The following PRC1 variants were observed in gnomAD, a reference collection of about 807,000 sequenced individuals.
PRC1 encodes protein regulator of cytokinesis 1.
PRC1 carries 54 observed loss-of-function variants against 91.2 expected under a neutral mutation model. That is an observed-to-expected ratio of 0.59 (90% CI 0.48 to 0.74). The LOEUF is 0.74. Among genes scored for constraint, PRC1 ranks in the 30% least tolerant of loss-of-function variants. The pLI is 0.00. For missense variants in PRC1, 727 were observed against 746.2 expected (o/e 0.97, Z 0.30); for synonymous variants, 275 against 263.6 (o/e 1.04, Z -0.42).
rs978688590 is a variant in PRC1, at chr15:90,981,922, C to T, written c.327G>A (p.Leu109=). The T allele has an allele frequency of 6.2e-7, 1 of 1,614,206 alleles. No homozygotes were observed. The highest frequency in any genetic ancestry group is 1.3e-5 in the African/African-American group (1 of 75,050). The change falls in exon 4 of 15, where the codon TTG becomes TTA. Residue 109 remains leucine, a synonymous_variant. Transcript: ENST00000394249. The stretch of plus-strand genomic sequence containing the variant: ...TTCTCTCCTTTTTCTGTTTTCGCAT[C>T]AATTCCACTTGGGTGCGCAAATCTT... ...LEKDLRTQVE[L]MRKQKKERKQ...
chr15:90,980,373 T>G lies in PRC1; in HGVS notation c.839A>C (p.Asp280Ala). ...TTGCATTTTCAGTTCTTCCAACCGA[T>G]CCACTTCTAATTGCAGCTGAAAGAA... ...KVRKALQLEVDRLEELKMQNM... is the reference protein window; with the variant it reads ...KVRKALQLEVARLEELKMQNM... Residue 280 changes from aspartate (D) to alanine (A), a missense_variant, in exon 7 of 15, where the codon GAT (aspartate) becomes GCT (alanine). Physicochemically the swap from Asp to Ala is moderately radical, Grantham distance 126. Transcript: ENST00000394249. 1 of 1,613,764 alleles carries G rather than the reference T, an allele frequency of 6.2e-7. No homozygotes were observed. The highest frequency in any genetic ancestry group is 8.5e-7 in the Non-Finnish European group (1 of 1,179,952).
At chr15:90,994,291 T>A (rs1239963987) in intron 1 of PRC1, 116 bp downstream of exon 1, 3 of 1,503,252 alleles carry the variant, frequency 2.0e-6, no homozygotes, top group Non-Finnish European at 2.7e-6. Context: ...CGGCGCCGAC[T>A]GCCGTGACGA....
intron 1 of PRC1, among the ~76,000 whole-genome samples, chr15:90,989,684 A>G (rs1193260251): frequency 6.6e-6 from 1 of 152,134 alleles, no homozygotes; most frequent in African/African-American, 2.4e-5. Flanking sequence ...GTGAAAAAAA[A>G]AATACAAATG....
chr15:90,993,955 TAAATAA>T (rs2040136318), intron 1 of PRC1, among the ~76,000 whole-genome samples: 1 of 152,080 alleles, frequency 6.6e-6, no homozygotes, highest in Non-Finnish European at 1.5e-5. Flanking sequence ...AAAACAACGA[TAAATAA>T]ACTTAACAGC....
intron 9 of PRC1, among the ~76,000 whole-genome samples, chr15:90,975,564 C>A (rs1009697636): frequency 1.0e-5 from 1 of 99,526 alleles, no homozygotes; most frequent in Non-Finnish European, 1.6e-5. Context: ...TAATGGAGCC[C>A]ACAGGACTCT....
At chr15:90,968,028 C>A in intron 14 of PRC1, 1 of 985,162 alleles carries the variant, frequency 1.0e-6, no homozygotes, top group Non-Finnish European at 1.2e-6. Context: ...GCATGAATGG[C>A]TATTGAGAAA....
In PRC1 at chr15:90,982,040, G is replaced by A. The variant is rs764041194; in HGVS notation, c.268-59C>T. The A allele has an allele frequency of 2.7e-6, 4 of 1,494,418 alleles. No homozygotes were observed. The South Asian group carries it at 3.5e-5, about 13-fold the overall frequency. The allele number at this position is 1,494,418 out of a possible 1,614,324, so 92.6% of individuals were successfully genotyped here. ...CCAAGTGAATTCCTTCAGAGGAAGA[G>A]AAGGACAACATAAGAAGGCGTGGAT... On this transcript the variant is annotated intron_variant, in intron 3 of 14. Transcript: ENST00000394249.
At position 90,967,895 on chromosome 15, in the gene PRC1, C is replaced by T. The variant is rs1023103370; in HGVS notation, c.1792-693G>A. 6.9e-5 allele frequency: 68 copies of T among 985,342 alleles called. No individual in the cohort carries two copies. The African/African-American group carries it at 1.1e-3, about 16-fold the overall frequency. The allele number at this position is 985,342 out of a possible 1,614,324, so 61.0% of individuals were successfully genotyped here. ...GTAAGTAGGCAACAAGCTTTGGTCTCTTGAGCCCTTTATAAAACAATGGGC... is the reference window on the plus strand; with the variant it reads ...GTAAGTAGGCAACAAGCTTTGGTCTTTTGAGCCCTTTATAAAACAATGGGC... On this transcript the variant is annotated intron_variant, in intron 14 of 14. Transcript: ENST00000394249.
chr15:90,982,177 G>GT, intron 3 of PRC1, 196 bp from the exon 4 acceptor site: 1 of 597,020 alleles, frequency 1.7e-6, no homozygotes, highest in Non-Finnish European at 3.0e-6. Context: ...AAGTACCAGG[G>GT]TACTTTTCCC....
At position 90,979,294 on chromosome 15, in the gene PRC1, T is replaced by G; in HGVS notation, c.971A>C (p.Glu324Ala). 1 of 1,611,438 alleles carries G rather than the reference T, an allele frequency of 6.2e-7. No homozygotes were observed. Among genetic ancestry groups the G allele is most frequent in the Non-Finnish European group, 8.5e-7 (1 of 1,179,162 alleles). Residue 324 changes from glutamate (E) to alanine (A), a missense_variant and splice_region_variant, in exon 8 of 15, where the codon GAG becomes GCG. Transcript: ENST00000394249. ...CTGGAGCAGACTTTCTGTGTAGTCCTCTGCAAAATATAGGCCCAGTAGTTT... is the reference window on the plus strand; with the variant it reads ...CTGGAGCAGACTTTCTGTGTAGTCCGCTGCAAAATATAGGCCCAGTAGTTT... ...QRQAFAPFCA[E>A]DYTESLLQLH...
intron 11 of PRC1, among the ~76,000 whole-genome samples, chr15:90,972,569 G>T (rs2038251527): frequency 6.6e-6 from 1 of 151,792 alleles, no homozygotes; most frequent in South Asian, 2.1e-4. Context: ...GAGAAACCCT[G>T]TCTCTACTAA....
chr15:90,981,709 C>T, intron 4 of PRC1, 39 bp downstream of exon 4: 1 of 1,608,954 alleles, frequency 6.2e-7, no homozygotes, highest in Non-Finnish European at 8.5e-7. Context: ...AGAGGAAAAC[C>T]AAAGTGACTT....
At chr15:90,967,454 CAGAAG>C (rs2037607965) in intron 14 of PRC1, 2 of 523,258 alleles carry the variant, frequency 3.8e-6, no homozygotes, top group African/African-American at 1.9e-5. Flanking sequence ...TTACACCTCA[CAGAAG>C]AGAAATCCTT....
In PRC1 at chr15:90,974,297, C is replaced by A; in HGVS notation, c.1351-51G>T. The A allele has an allele frequency of 6.7e-7, 1 of 1,499,676 alleles. No individual in the cohort carries two copies. Among genetic ancestry groups the A allele is most frequent in the Non-Finnish European group, 9.3e-7 (1 of 1,078,682 alleles). The allele number at this position is 1,499,676 out of a possible 1,614,324, so 92.9% of individuals were successfully genotyped here. A position where few individuals can be genotyped will look rare whatever the true frequency, so the allele number is the denominator to read the frequency against. ...GATAAATCTCAGGAAGAGAGCGGGTCTGGGATGGCAACAGCAGCAGGGCCG... is the reference window on the plus strand; with the variant it reads ...GATAAATCTCAGGAAGAGAGCGGGTATGGGATGGCAACAGCAGCAGGGCCG... On this transcript the variant is annotated intron_variant, in intron 10 of 14. Transcript: ENST00000394249. The surrounding 1 kb of genome is among the most constrained non-coding windows in gnomAD (Gnocchi z 4.6).
rs540080468 is a variant in PRC1 at position 90,968,301 on chromosome 15, A to G, written c.1791+778T>C. On this transcript the variant is annotated intron_variant, in intron 14 of 14. Coordinates refer to ENST00000394249, the MANE Select transcript of PRC1 (RefSeq NM_003981.4). The stretch of plus-strand genomic sequence containing the variant: ...CCACGTAATTTGAAAAACATGCTGG[A>G]GTAGGAAGCCAGTTTCAGTGATCAA... 1.0e-5 allele frequency: 10 copies of G among 985,470 alleles called. No individual in the cohort carries two copies. The East Asian group carries it at 1.0e-3, about 101-fold the overall frequency. The allele number at this position is 985,470 out of a possible 1,614,324, so 61.0% of individuals were successfully genotyped here.
chr15:90,987,335 A>G (rs987112932), intron 1 of PRC1, among the ~76,000 whole-genome samples: 1 of 152,162 alleles, frequency 6.6e-6, no homozygotes. Flanking sequence ...TCAGGATAGT[A>G]GTTCTTTTGG....
intron 14 of PRC1, chr15:90,968,516 G>C (rs2037743442): frequency 5.1e-6 from 5 of 988,468 alleles, no homozygotes; most frequent in Non-Finnish European, 6.0e-6. Context: ...AGCAAATATA[G>C]AGTAGGATAC....
At position 90,974,870 on chromosome 15, in the gene PRC1, C is replaced by T; in HGVS notation, c.1204-139G>A. 1 of 964,568 alleles carries T rather than the reference C, an allele frequency of 1.0e-6. No homozygotes were observed. The highest frequency in any genetic ancestry group is 1.5e-5 in the South Asian group (1 of 66,722). The allele number at this position is 964,568 out of a possible 1,614,324, so 59.8% of individuals were successfully genotyped here. A position where few individuals can be genotyped will look rare whatever the true frequency, so the allele number is the denominator to read the frequency against. Reference sequence around the variant, plus strand: ...TCAGGTAGCTGGGCCCACATGGGTACAGGTCAGAGTGACCAGAAATCAAAG... The same window carrying T: ...TCAGGTAGCTGGGCCCACATGGGTATAGGTCAGAGTGACCAGAAATCAAAG... On this transcript the variant is annotated intron_variant, in intron 9 of 14. Transcript: ENST00000394249. The surrounding 1 kb of genome is among the most constrained non-coding windows in gnomAD (Gnocchi z 4.6).
In PRC1 at chr15:90,974,544, T is replaced by TCC; in HGVS notation, c.1350+40_1350+41insGG. The TCC allele has an allele frequency of 6.2e-7, 1 of 1,607,048 alleles. No homozygotes were observed. Among genetic ancestry groups the TCC allele is most frequent in the African/African-American group, 1.4e-5 (1 of 70,012 alleles). On this transcript the variant is annotated intron_variant, in intron 10 of 14. Transcript: ENST00000394249. This position sits in a 1 kb window ranked among gnomAD's most constrained non-coding sequence, Gnocchi z 4.6. The stretch of plus-strand genomic sequence containing the variant: ...GAGACTATGGGCTGCTCAGATTACT[T>TCC]TCTTCGTCTTTTCCCAATTTGCGTT...
Sources: gnomAD v4.1 joint callset for allele counts (sites outside exome capture counted in the v4.1 genomes callset) on GRCh38, gnomAD v4.1.1 for gene constraint, Gnocchi (gnomAD v3.1) non-coding constraint, MANE v1.5 for transcripts, NCBI Gene and HGNC (gene_info 2026-07-23, HGNC 2026-07-21) for gene names.